The following LRP6 variants were observed in gnomAD, a reference collection of about 807,000 sequenced individuals.
LRP6 encodes low-density lipoprotein receptor-related protein 6.
LRP6 carries 43 observed loss-of-function variants against 184.1 expected under a neutral mutation model. The observed-to-expected ratio is 0.23, with a 90% CI of 0.18 to 0.30. The LOEUF is 0.30. Among genes scored for constraint, LRP6 ranks in the 10% least tolerant of loss-of-function variants. LRP6 has a pLI of 1.00. For synonymous variants in LRP6, 719 were observed against 684.9 expected (o/e 1.05, Z -0.78); for missense variants, 1,571 against 2,005.3 (o/e 0.78, Z 4.14).
chr12:12,255,158 G>T (rs1865428445), intron 1 of LRP6, among the ~76,000 whole-genome samples: 1 of 151,980 alleles, frequency 6.6e-6, no homozygotes, highest in African/African-American at 2.4e-5. Flanking sequence ...CATCACAATT[G>T]CCCATTACTT....
intron 2 of LRP6, among the ~76,000 whole-genome samples, chr12:12,211,272 A>G (rs1184581190): frequency 6.6e-6 from 1 of 152,164 alleles, no homozygotes; most frequent in Non-Finnish European, 1.5e-5. Flanking sequence ...CCAAACCCCA[A>G]CTTGACTAAA....
chr12:12,154,114 C>A (rs1950118062), intron 12 of LRP6, among the ~76,000 whole-genome samples: 1 of 152,182 alleles, frequency 6.6e-6, no homozygotes, highest in African/African-American at 2.4e-5. Context: ...AAGGATTACA[C>A]AATCTGGCTT....
chr12:12,196,497 T>C (rs773963987), intron 3 of LRP6, among the ~76,000 whole-genome samples: 2 of 152,162 alleles, frequency 1.3e-5, no homozygotes, highest in Non-Finnish European at 2.9e-5. Flanking sequence ...CTTTTTCAGC[T>C]AGTTTGTTGT....
chr12:12,249,250 A>C, intron 1 of LRP6: 1 of 934,566 alleles, frequency 1.1e-6, no homozygotes, highest in South Asian at 1.3e-5. Context: ...GTAACAAAAA[A>C]TTAATATGAA....
At chr12:12,199,793 G>A (rs1863864497) in intron 3 of LRP6, among the ~76,000 whole-genome samples, 2 of 151,518 alleles carry the variant, frequency 1.3e-5, no homozygotes, top group Middle Eastern at 6.8e-3. Flanking sequence ...GTGAAATCCC[G>A]CCTCTACTAA....
Position 12,116,190 on chromosome 12 carries a change from T to C in LRP6, c.*4936A>G, listed in dbSNP as rs558737419. 2.6e-5 allele frequency: 4 copies of C among 152,232 alleles called. No homozygotes were observed. Among genetic ancestry groups the C allele is most frequent in the Non-Finnish European group, 5.9e-5 (4 of 68,042 alleles). 9.4% of individuals were successfully genotyped at this position (152,232 alleles called of 1,614,324 possible). On this transcript the variant is annotated 3_prime_UTR_variant, in exon 23 of 23. Coordinates refer to ENST00000261349, the MANE Select transcript of LRP6 (RefSeq NM_002336.3). ...GGGAAGTGAATAAGTGGACAAGGGC[T>C]GACCAAATGTTGGCCATTATAACAT...
intron 9 of LRP6, among the ~76,000 whole-genome samples, chr12:12,163,688 C>T (rs942674141): frequency 3.3e-5 from 5 of 152,126 alleles, no homozygotes; most frequent in African/African-American, 7.2e-5. Flanking sequence ...CATTTCCTTA[C>T]TCAGCTAATT....
At chr12:12,187,895 T>C (rs1196407931) in intron 3 of LRP6, among the ~76,000 whole-genome samples, 1 of 151,762 alleles carries the variant, frequency 6.6e-6, no homozygotes, top group Non-Finnish European at 1.5e-5. Flanking sequence ...CTTTGTAGAG[T>C]ATTAGAGAGA....
At chr12:12,130,987 A>G (rs1418709258) in intron 18 of LRP6, 94 bp from the exon 19 acceptor site, 8 of 731,052 alleles carry the variant, frequency 1.1e-5, no homozygotes, top group Non-Finnish European at 1.7e-5. Context: ...ACACAAATGA[A>G]AAACAAATTA....
intron 3 of LRP6, among the ~76,000 whole-genome samples, chr12:12,202,400 C>G (rs533160889): frequency 6.6e-4 from 101 of 152,178 alleles, no homozygotes; most frequent in African/African-American, 2.3e-3. Context: ...AAAATTAGCC[C>G]GGTGTGATGG....
chr12:12,246,673 A>AC (rs1434745635), intron 1 of LRP6, among the ~76,000 whole-genome samples: 1 of 146,888 alleles, frequency 6.8e-6, no homozygotes, highest in Admixed American at 6.8e-5. Flanking sequence ...CCCTGTCTCA[A>AC]AAAAAAAAAA....
At chr12:12,168,675 CTTATT>C (rs1862950736) in intron 7 of LRP6, among the ~76,000 whole-genome samples, 1 of 152,004 alleles carries the variant, frequency 6.6e-6, no homozygotes, top group Admixed American at 6.6e-5. Flanking sequence ...AGATAAATAT[CTTATT>C]TTAAATGTAG....
At chr12:12,222,510 T>C (rs1048126489) in intron 2 of LRP6, among the ~76,000 whole-genome samples, 2 of 148,852 alleles carry the variant, frequency 1.3e-5, no homozygotes, top group Non-Finnish European at 3.0e-5. Flanking sequence ...GAGGTTGCAG[T>C]GAGCCAAGAT....
chr12:12,133,134 ATCCACG>A (rs1470710262), intron 17 of LRP6, among the ~76,000 whole-genome samples: 1 of 152,230 alleles, frequency 6.6e-6, no homozygotes, highest in African/African-American at 2.4e-5. Flanking sequence ...GATAAAATAT[ATCCACG>A]TCCTTAAAGC....
intron 2 of LRP6, among the ~76,000 whole-genome samples, chr12:12,228,007 C>T (rs1449658062): frequency 1.3e-5 from 2 of 152,178 alleles, no homozygotes; most frequent in Non-Finnish European, 2.9e-5. Context: ...GTCAATAAGA[C>T]TGGTACCAAA....
intron 1 of LRP6, among the ~76,000 whole-genome samples, chr12:12,246,900 C>T (rs1865201301): frequency 6.6e-6 from 1 of 152,170 alleles, no homozygotes; most frequent in African/African-American, 2.4e-5. Flanking sequence ...ATACTATTTT[C>T]ATCTATAAGT....
chr12:12,194,556 C>T (rs960134571), intron 3 of LRP6, among the ~76,000 whole-genome samples: 16 of 151,968 alleles, frequency 1.1e-4, no homozygotes, highest in Non-Finnish European at 4.4e-5. Flanking sequence ...GTCTTAAGCC[C>T]CATTTTCATT....
At chr12:12,252,915 A>G (rs974420089) in intron 1 of LRP6, among the ~76,000 whole-genome samples, 1 of 152,148 alleles carries the variant, frequency 6.6e-6, no homozygotes, top group Non-Finnish European at 1.5e-5. Flanking sequence ...TTCTCTCTGC[A>G]ATGAATATAT....
At chr12:12,123,292 T>G (rs1186070755) in intron 22 of LRP6, among the ~76,000 whole-genome samples, 1 of 152,238 alleles carries the variant, frequency 6.6e-6, no homozygotes, top group Non-Finnish European at 1.5e-5. Context: ...ATTTTCAGGC[T>G]TCTGCTTTTT....
Sources: gnomAD v4.1 joint callset for allele counts (sites outside exome capture counted in the v4.1 genomes callset) on GRCh38, gnomAD v4.1.1 for gene constraint, MANE v1.5 for transcripts, NCBI Gene and HGNC (gene_info 2026-07-23, HGNC 2026-07-21) for gene names.